The following TENT5A variants were observed in gnomAD, a reference collection of about 807,000 sequenced individuals.
TENT5A encodes the protein terminal nucleotidyltransferase 5A, also known as HBV X-transactivated gene 11 protein.
Under a neutral mutation model 30.2 loss-of-function variants are expected in TENT5A, and 9 were observed. The ratio of observed to expected loss-of-function variants is 0.30; its 90% CI spans 0.18 to 0.52. The LOEUF is 0.52. Among genes scored for constraint, TENT5A ranks in the 20% least tolerant of loss-of-function variants. The probability of loss-of-function intolerance (pLI) is 0.97; values close to 1 mark genes in which losing one functional copy is unlikely to be tolerated. For synonymous variants in TENT5A, 264 were observed against 234.2 expected (o/e 1.13, Z -1.16); for missense variants, 411 against 566.1 (o/e 0.73, Z 2.78).
chr6:81,746,876 G>T lies in TENT5A; in HGVS notation c.*2819C>A, dbSNP rs759095790. On this transcript the variant is annotated 3_prime_UTR_variant, in exon 3 of 3. Transcript: ENST00000320172. ...TGTGTGTTCAACTACATATGCACAA[G>T]ACTATAGTACACACAAAATAGAAAT... 39 of 1,095,832 alleles carry T rather than the reference G, an allele frequency of 3.6e-5. No individual in the cohort carries two copies. Among genetic ancestry groups the T allele is most frequent in the Non-Finnish European group, 4.2e-5 (38 of 902,310 alleles). 67.9% of individuals were successfully genotyped at this position (1,095,832 alleles called of 1,614,324 possible). A position where few individuals can be genotyped will look rare whatever the true frequency, so the allele number is the denominator to read the frequency against.
chr6:81,751,846 A>C lies in TENT5A; in HGVS notation c.296T>G (p.Leu99Arg). The C allele has an allele frequency of 6.2e-7, 1 of 1,613,106 alleles. No homozygotes were observed. Among genetic ancestry groups the C allele is most frequent in the Middle Eastern group, 1.6e-4 (1 of 6,062 alleles). The change falls in exon 2 of 3, where the codon CTG becomes CGG. Residue 99 changes from leucine to arginine, a missense_variant. Transcript: ENST00000320172. ...NFPTLELQPS[L>R]IVKVVRRRLA... ...GCGCCGCCGCACCACCTTCACGATC[A>C]GGCTCGGCTGCAGCTCGAGCGTGGG...
At chr6:81,751,170 T>TA in intron 2 of TENT5A, among the ~76,000 whole-genome samples, 1 of 152,238 alleles carries the variant, frequency 6.6e-6, no homozygotes, top group Middle Eastern at 3.4e-3. Flanking sequence ...TCCAGTACAA[T>TA]AAAAAACTCA....
chr6:81,748,903 T>C lies in TENT5A; in HGVS notation c.*792A>G. 2 of 985,420 alleles carry C rather than the reference T, an allele frequency of 2.0e-6. No individual in the cohort carries two copies. The highest frequency in any genetic ancestry group is 2.4e-6 in the Non-Finnish European group (2 of 829,518). The allele number at this position is 985,420 out of a possible 1,614,324, so 61.0% of individuals were successfully genotyped here. On this transcript the variant is annotated 3_prime_UTR_variant, in exon 3 of 3. Transcript: ENST00000320172. ...TTGATGTATATTGGTGTGTAACAAA[T>C]ATAATCTCTCTTCATATAGTCTACT... is the stretch of plus-strand genomic sequence containing the variant.
Position 81,748,479 on chromosome 6 carries a change from T to A in TENT5A, c.*1216A>T. ...TACTTGGTTCCCTCCTTCATTTAATTTTTTTAGATGTGGATTTAATTCATC... is the reference window on the plus strand; with the variant it reads ...TACTTGGTTCCCTCCTTCATTTAATATTTTTAGATGTGGATTTAATTCATC... On this transcript the variant is annotated 3_prime_UTR_variant, in exon 3 of 3. Transcript: ENST00000320172. 1.0e-5 allele frequency: 10 copies of A among 982,434 alleles called. No individual in the cohort carries two copies. Among genetic ancestry groups the A allele is most frequent in the Non-Finnish European group, 1.2e-5 (10 of 827,316 alleles). The allele number at this position is 982,434 out of a possible 1,614,324, so 60.9% of individuals were successfully genotyped here.
rs1455344740 is a variant in TENT5A, at chr6:81,746,138, T to C, written c.*3557A>G. ...TTCTTTCTTAGCACTGAAAATGCTA[T>C]GCTAAAAGAAATTTTAAAGAAAGAT... On this transcript the variant is annotated 3_prime_UTR_variant, in exon 3 of 3. Transcript: ENST00000320172. 2 of 984,364 alleles carry C rather than the reference T, an allele frequency of 2.0e-6. No homozygotes were observed. The highest frequency in any genetic ancestry group is 2.4e-6 in the Non-Finnish European group (2 of 826,410). The allele number at this position is 984,364 out of a possible 1,614,324, so 61.0% of individuals were successfully genotyped here. A position where few individuals can be genotyped will look rare whatever the true frequency, so the allele number is the denominator to read the frequency against.
chr6:81,748,229 A>G lies in TENT5A; in HGVS notation c.*1466T>C, dbSNP rs752999240. On this transcript the variant is annotated 3_prime_UTR_variant, in exon 3 of 3. Coordinates refer to ENST00000320172, the MANE Select transcript of TENT5A (RefSeq NM_017633.3). ...TAGCAGTCAGGGATTTAAGTAGCCT[A>G]TTACTGATCCATGATCCACTAGATT... 210 of 985,198 alleles carry G rather than the reference A, an allele frequency of 2.1e-4. No homozygotes were observed. Among genetic ancestry groups the G allele is most frequent in the Admixed American group, 9.9e-4 (16 of 16,220 alleles). The allele number at this position is 985,198 out of a possible 1,614,324, so 61.0% of individuals were successfully genotyped here. A position where few individuals can be genotyped will look rare whatever the true frequency, so the allele number is the denominator to read the frequency against.
chr6:81,748,554 C>T lies in TENT5A; in HGVS notation c.*1141G>A. 1.0e-6 allele frequency: 1 copy of T among 982,018 alleles called. No individual in the cohort carries two copies. The highest frequency in any genetic ancestry group is 4.7e-5 in the South Asian group (1 of 21,216). The allele number at this position is 982,018 out of a possible 1,614,324, so 60.8% of individuals were successfully genotyped here. A position where few individuals can be genotyped will look rare whatever the true frequency, so the allele number is the denominator to read the frequency against. ...TTATCCTGTTGAAAACATAAAAACACACAGTATTTAAACATTTCCTATTTG... is the reference window on the plus strand; with the variant it reads ...TTATCCTGTTGAAAACATAAAAACATACAGTATTTAAACATTTCCTATTTG... On this transcript the variant is annotated 3_prime_UTR_variant, in exon 3 of 3. Coordinates refer to ENST00000320172, the MANE Select transcript of TENT5A (RefSeq NM_017633.3).
chr6:81,751,556 G>C, intron 2 of TENT5A, 34 bp downstream of exon 2: 1 of 1,564,134 alleles, frequency 6.4e-7, no homozygotes, highest in Non-Finnish European at 8.7e-7. Flanking sequence ...GCCCAGACTG[G>C]GTCAGGACCC....
In TENT5A at chr6:81,747,268, G is replaced by A. The variant is rs954682722; in HGVS notation, c.*2427C>T. On this transcript the variant is annotated 3_prime_UTR_variant, in exon 3 of 3. Coordinates refer to ENST00000320172, the MANE Select transcript of TENT5A (RefSeq NM_017633.3). ...AAAACTTTGAAACAACTAAGCAGGC[G>A]GAGCTCTGGTTTCTGATAGGTGAGT... 1.1e-4 allele frequency: 113 copies of A among 985,604 alleles called. No individual in the cohort carries two copies. In the African/African-American group the frequency reaches 1.8e-3, roughly 16 times the overall value. 61.1% of individuals were successfully genotyped at this position (985,604 alleles called of 1,614,324 possible).
chr6:81,746,942 G>C lies in TENT5A; in HGVS notation c.*2753C>G. The stretch of plus-strand genomic sequence containing the variant: ...TAAAGTAAATGCTAGAAGTTGTCTT[G>C]AGTACAGCCTGTTCTATATGAATAG... On this transcript the variant is annotated 3_prime_UTR_variant, in exon 3 of 3. Coordinates refer to ENST00000320172, the MANE Select transcript of TENT5A (RefSeq NM_017633.3). The C allele has an allele frequency of 1.0e-6, 1 of 1,000,154 alleles. No homozygotes were observed. Among genetic ancestry groups the C allele is most frequent in the Non-Finnish European group, 1.2e-6 (1 of 839,520 alleles). 62.0% of individuals were successfully genotyped at this position (1,000,154 alleles called of 1,614,324 possible). A position where few individuals can be genotyped will look rare whatever the true frequency, so the allele number is the denominator to read the frequency against.
rs189896312 is a variant in TENT5A, at chr6:81,751,675, G to C, written c.467C>G (p.Thr156Ser). ...GCAGTCCAGCACGACGTCCTTCACA[G>C]TCTGAAACTCCCCTTCCCCGCGCAG... ...ADLRGEGEFQ[T>S]VKDVVLDCLL... The change falls in exon 2 of 3, where the codon ACT becomes AGT. Residue 156 changes from threonine (T) to serine (S), a missense_variant. Physicochemically the swap from Thr to Ser is moderately conservative, Grantham distance 58. Transcript: ENST00000320172. 6.2e-7 allele frequency: 1 copy of C among 1,614,166 alleles called. No homozygotes were observed. Among genetic ancestry groups the C allele is most frequent in the East Asian group, 2.2e-5 (1 of 44,866 alleles).
In TENT5A at chr6:81,746,744, T is replaced by C. The variant is rs769466967; in HGVS notation, c.*2951A>G. 36 of 1,221,236 alleles carry C rather than the reference T, an allele frequency of 2.9e-5. No individual in the cohort carries two copies. Among genetic ancestry groups the C allele is most frequent in the South Asian group, 4.3e-5 (1 of 23,392 alleles). 75.6% of individuals were successfully genotyped at this position (1,221,236 alleles called of 1,614,324 possible). Reference sequence around the variant, plus strand: ...AAAGGAAACAAATCACAGGCGCTAATAGGGAGTCGGGAGCTGTTCTTTTCT... The same window carrying C: ...AAAGGAAACAAATCACAGGCGCTAACAGGGAGTCGGGAGCTGTTCTTTTCT... On this transcript the variant is annotated 3_prime_UTR_variant, in exon 3 of 3. Transcript: ENST00000320172.
Position 81,748,021 on chromosome 6 carries a change from A to G in TENT5A, c.*1674T>C. On this transcript the variant is annotated 3_prime_UTR_variant, in exon 3 of 3. Coordinates refer to ENST00000320172, the MANE Select transcript of TENT5A (RefSeq NM_017633.3). ...CAGATCAAAGATGTTTCATATTGACATGATTTATAAAATGTTATATATAAT... is the reference window on the plus strand; with the variant it reads ...CAGATCAAAGATGTTTCATATTGACGTGATTTATAAAATGTTATATATAAT... 1.0e-6 allele frequency: 1 copy of G among 974,702 alleles called. No homozygotes were observed. The highest frequency in any genetic ancestry group is 1.2e-6 in the Non-Finnish European group (1 of 819,982). 60.4% of individuals were successfully genotyped at this position (974,702 alleles called of 1,614,324 possible). A position where few individuals can be genotyped will look rare whatever the true frequency, so the allele number is the denominator to read the frequency against.
Position 81,748,206 on chromosome 6 carries a change from G to C in TENT5A, c.*1489C>G, listed in dbSNP as rs1193516624. The C allele has an allele frequency of 1.0e-6, 1 of 985,004 alleles. No individual in the cohort carries two copies. The highest frequency in any genetic ancestry group is 1.8e-5 in the African/African-American group (1 of 57,052). The allele number at this position is 985,004 out of a possible 1,614,324, so 61.0% of individuals were successfully genotyped here. On this transcript the variant is annotated 3_prime_UTR_variant, in exon 3 of 3. Coordinates refer to ENST00000320172, the MANE Select transcript of TENT5A (RefSeq NM_017633.3). ...TTTAGATCACCGGAAATCCTTTTTA[G>C]CAGTCAGGGATTTAAGTAGCCTATT...
rs1020177515 is a variant in TENT5A at position 81,749,585 on chromosome 6, C to A, written c.*110G>T. 2 of 1,467,342 alleles carry A rather than the reference C, an allele frequency of 1.4e-6. No homozygotes were observed. The highest frequency in any genetic ancestry group is 1.5e-5 in the South Asian group (1 of 68,506). 90.9% of individuals were successfully genotyped at this position (1,467,342 alleles called of 1,614,324 possible). A position where few individuals can be genotyped will look rare whatever the true frequency, so the allele number is the denominator to read the frequency against. ...AAACCAGGAGCATATCATCATTGCA[C>A]AAAACACATCCCTAATAAGGGCTGG... On this transcript the variant is annotated 3_prime_UTR_variant, in exon 3 of 3. Transcript: ENST00000320172.
At chr6:81,751,303 A>C (rs1769025682) in intron 2 of TENT5A, among the ~76,000 whole-genome samples, 1 of 152,226 alleles carries the variant, frequency 6.6e-6, no homozygotes, top group African/African-American at 2.4e-5. Flanking sequence ...CAAGACTCCA[A>C]CAGGGAAAGC....
chr6:81,747,216 A>C lies in TENT5A; in HGVS notation c.*2479T>G, dbSNP rs917216847. On this transcript the variant is annotated 3_prime_UTR_variant, in exon 3 of 3. Transcript: ENST00000320172. Reference sequence around the variant, plus strand: ...CAGATCACCAGCTGCTCCTGTGTTCACAAGTGCTCCCCTAGTTTTCTTTCA... The same window carrying C: ...CAGATCACCAGCTGCTCCTGTGTTCCCAAGTGCTCCCCTAGTTTTCTTTCA... 2.0e-6 allele frequency: 2 copies of C among 985,482 alleles called. No individual in the cohort carries two copies. The highest frequency in any genetic ancestry group is 1.2e-6 in the Non-Finnish European group (1 of 829,930). 61.0% of individuals were successfully genotyped at this position (985,482 alleles called of 1,614,324 possible). A position where few individuals can be genotyped will look rare whatever the true frequency, so the allele number is the denominator to read the frequency against.
At position 81,746,967 on chromosome 6, in the gene TENT5A, G is replaced by A. The variant is rs1439920134; in HGVS notation, c.*2728C>T. Reference sequence around the variant, plus strand: ...GAGTACAGCCTGTTCTATATGAATAGGTGCCAGGTGCTGGCACTTCCAACT... The same window carrying A: ...GAGTACAGCCTGTTCTATATGAATAAGTGCCAGGTGCTGGCACTTCCAACT... On this transcript the variant is annotated 3_prime_UTR_variant, in exon 3 of 3. Transcript: ENST00000320172. 3.0e-6 allele frequency: 3 copies of A among 990,944 alleles called. No individual in the cohort carries two copies. The highest frequency in any genetic ancestry group is 1.1e-4 in the East Asian group (1 of 9,282). 61.4% of individuals were successfully genotyped at this position (990,944 alleles called of 1,614,324 possible).
chr6:81,751,408 A>T (rs1169345818), intron 2 of TENT5A, among the ~76,000 whole-genome samples, 182 bp downstream of exon 2: 1 of 152,130 alleles, frequency 6.6e-6, no homozygotes, highest in Non-Finnish European at 1.5e-5. Context: ...AAACTGAAAC[A>T]CTCAACACCG....
Sources: allele counts gnomAD v4.1 joint callset (sites outside exome capture counted in the v4.1 genomes callset), GRCh38; gene constraint gnomAD v4.1.1; transcripts MANE v1.5; gene names NCBI Gene and HGNC (gene_info 2026-07-23, HGNC 2026-07-21).